Variants in ADAM19 observed in about 807,000 individuals in gnomAD.
ADAM19 encodes the protein ADAM metallopeptidase domain 19.
Under a neutral mutation model 114.7 loss-of-function variants are expected in ADAM19, and 65 were observed. That is an observed-to-expected ratio of 0.57 (90% CI 0.46 to 0.70). The LOEUF (loss-of-function observed/expected upper bound fraction) is 0.70. Among genes scored for constraint, ADAM19 ranks in the 30% least tolerant of loss-of-function variants. ADAM19 has a pLI of 0.00. For missense variants in ADAM19, 1,063 were observed against 1,204.7 expected, an observed-to-expected ratio of 0.88 and a Z score of 1.74; for synonymous variants, 466 against 460.5, an observed-to-expected ratio of 1.01 and a Z score of -0.15.
intron 1 of ADAM19, among the ~76,000 whole-genome samples, chr5:157,574,955 C>T (rs930530820): frequency 2.6e-5 from 4 of 152,182 alleles, no homozygotes; most frequent in Admixed American, 2.6e-4. Context: ...TTGGGCAAGT[C>T]CTTTCCCTTT....
At position 157,479,009 on chromosome 5, in the gene ADAM19, G is replaced by A. The variant is rs1316902315; in HGVS notation, c.*1940C>T. The A allele has an allele frequency of 2.0e-6, 2 of 985,452 alleles. No homozygotes were observed. The highest frequency in any genetic ancestry group is 2.4e-6 in the Non-Finnish European group (2 of 829,852). The allele number at this position is 985,452 out of a possible 1,614,324, so 61.0% of individuals were successfully genotyped here. A position where few individuals can be genotyped will look rare whatever the true frequency, so the allele number is the denominator to read the frequency against. On this transcript the variant is annotated 3_prime_UTR_variant, in exon 23 of 23. Coordinates refer to ENST00000257527, the MANE Select transcript of ADAM19 (RefSeq NM_033274.5). ...GTTTTGCAGAGGGGTGAAAGGGGATGTTTTCACCTTTACTTTCCAGGAACC... is the reference window on the plus strand; with the variant it reads ...GTTTTGCAGAGGGGTGAAAGGGGATATTTTCACCTTTACTTTCCAGGAACC...
At chr5:157,481,091 G>A (rs1754731882) in intron 22 of ADAM19, 89 bp from the exon 23 acceptor site, 7 of 1,551,496 alleles carry the variant, frequency 4.5e-6, no homozygotes, top group African/African-American at 2.7e-5. Context: ...GATTTTAGAA[G>A]GAAGGATGGA....
chr5:157,559,318 A>C (rs1434732761), intron 3 of ADAM19, among the ~76,000 whole-genome samples: 1 of 152,230 alleles, frequency 6.6e-6, no homozygotes, highest in Admixed American at 6.5e-5. Flanking sequence ...AGGACAGTGT[A>C]TTGAAGAAAT....
chr5:157,564,363 G>T lies in ADAM19; in HGVS notation c.251+10C>A. The T allele has an allele frequency of 6.2e-7, 1 of 1,613,214 alleles. No homozygotes were observed. The highest frequency in any genetic ancestry group is 8.5e-7 in the Non-Finnish European group (1 of 1,179,172). ...TTGTTTCATTTTAGACAAAGGAGGA[G>T]TCCACTTACTCATTCTTCTCCAGGT... On this transcript the variant is annotated intron_variant, in intron 3 of 22. Coordinates refer to ENST00000257527, the MANE Select transcript of ADAM19 (RefSeq NM_033274.5).
intron 5 of ADAM19, among the ~76,000 whole-genome samples, chr5:157,528,993 G>A (rs1561544807): frequency 1.3e-5 from 2 of 152,192 alleles, no homozygotes; most frequent in African/African-American, 4.8e-5. Context: ...ACACAATGGA[G>A]CCACCTCCTA....
intron 3 of ADAM19, among the ~76,000 whole-genome samples, chr5:157,557,038 G>C (rs1057471287): frequency 6.6e-6 from 1 of 152,040 alleles, no homozygotes; most frequent in African/African-American, 2.4e-5. Flanking sequence ...GTGCCACCAT[G>C]CCTGGCTAAT....
At chr5:157,485,748 C>T (rs1754912623) in intron 21 of ADAM19, among the ~76,000 whole-genome samples, 1 of 152,246 alleles carries the variant, frequency 6.6e-6, no homozygotes, top group Non-Finnish European at 1.5e-5. Context: ...CTTGCCCTCA[C>T]AGCCTGGTTA....
In ADAM19 at chr5:157,477,682, T is replaced by C. The variant is rs141359105; in HGVS notation, c.*3267A>G. On this transcript the variant is annotated 3_prime_UTR_variant, in exon 23 of 23. Coordinates refer to ENST00000257527, the MANE Select transcript of ADAM19 (RefSeq NM_033274.5). Reference sequence around the variant, plus strand: ...GCTGTTATACACGTGGTTAACACAATTACTGACTTTGGAACTGGTCCCCAG... The same window carrying C: ...GCTGTTATACACGTGGTTAACACAACTACTGACTTTGGAACTGGTCCCCAG... 3.2e-4 allele frequency: 418 copies of C among 1,289,776 alleles called. 4 individuals carry two copies. The East Asian group carries it at 0.019, about 60-fold the overall frequency. The allele number at this position is 1,289,776 out of a possible 1,614,324, so 79.9% of individuals were successfully genotyped here.
chr5:157,558,373 A>C (rs558431014), intron 3 of ADAM19, among the ~76,000 whole-genome samples: 68 of 152,368 alleles, frequency 4.5e-4, no homozygotes, highest in African/African-American at 1.5e-3. Flanking sequence ...GAGTTTGGAA[A>C]AACATTTTGA....
rs1437826372 is a variant in ADAM19, at chr5:157,490,518, T to C, written c.2096-64A>G. On this transcript the variant is annotated intron_variant, in intron 18 of 22. Coordinates refer to ENST00000257527, the MANE Select transcript of ADAM19 (RefSeq NM_033274.5). ...GTCTCGGCTACAGCAGATTTCAAAA[T>C]AGGTATTCGTGCTTCTTCTTCAGGC... is the stretch of plus-strand genomic sequence containing the variant. The C allele has an allele frequency of 5.1e-6, 8 of 1,567,092 alleles. No homozygotes were observed. The South Asian group carries it at 5.7e-5, about 11-fold the overall frequency.
At chr5:157,563,483 C>T (rs926099403) in intron 3 of ADAM19, among the ~76,000 whole-genome samples, 1 of 152,210 alleles carries the variant, frequency 6.6e-6, no homozygotes, top group Non-Finnish European at 1.5e-5. Flanking sequence ...CTTCTTCATC[C>T]TTTTCTTGGC....
intron 2 of ADAM19, among the ~76,000 whole-genome samples, chr5:157,565,023 C>T (rs1243186199): frequency 1.3e-5 from 2 of 152,146 alleles, no homozygotes; most frequent in Non-Finnish European, 2.9e-5. Flanking sequence ...CATTTTGGCT[C>T]TCCGTTTGGA....
chr5:157,535,809 A>T (rs1438199393), intron 4 of ADAM19, among the ~76,000 whole-genome samples: 1 of 152,232 alleles, frequency 6.6e-6, no homozygotes, highest in African/African-American at 2.4e-5. Context: ...AGCTCATGGC[A>T]AATTCGTGGA....
intron 21 of ADAM19, among the ~76,000 whole-genome samples, chr5:157,484,233 C>T (rs1009487944): frequency 6.6e-6 from 1 of 152,144 alleles, no homozygotes; most frequent in Non-Finnish European, 1.5e-5. Flanking sequence ...TACTGCCTTA[C>T]AACATATATA....
chr5:157,537,767 T>A (rs1340108050), intron 4 of ADAM19, 146 bp downstream of exon 4: 1 of 624,402 alleles, frequency 1.6e-6, no homozygotes, highest in African/African-American at 1.8e-5. Context: ...ATACATGTTT[T>A]GCTTCTCGTT....
Position 157,477,755 on chromosome 5 carries a change from T to G in ADAM19, c.*3194A>C. The stretch of plus-strand genomic sequence containing the variant: ...TACCCTCTGTCAAATAAGAATAAAT[T>G]AGGAAGTAGGCAGGGAGAGACTTCC... On this transcript the variant is annotated 3_prime_UTR_variant, in exon 23 of 23. Transcript: ENST00000257527. The G allele has an allele frequency of 2.3e-6, 3 of 1,285,650 alleles. No homozygotes were observed. Among genetic ancestry groups the G allele is most frequent in the Non-Finnish European group, 3.0e-6 (3 of 985,266 alleles). 79.6% of individuals were successfully genotyped at this position (1,285,650 alleles called of 1,614,324 possible).
At chr5:157,487,254 C>A (rs553164643) in intron 21 of ADAM19, among the ~76,000 whole-genome samples, 1 of 152,124 alleles carries the variant, frequency 6.6e-6, no homozygotes, top group African/African-American at 2.4e-5. Context: ...TCTCTTTCTG[C>A]ATGGATTTTT....
chr5:157,516,535 T>C (rs574845284), intron 7 of ADAM19, among the ~76,000 whole-genome samples: 110 of 152,284 alleles, frequency 7.2e-4, no homozygotes, highest in African/African-American at 2.5e-3. Context: ...TTTGAAAGCC[T>C]GCACAGAGAT....
intron 3 of ADAM19, among the ~76,000 whole-genome samples, chr5:157,546,676 A>AAT (rs1481059300): frequency 6.6e-6 from 1 of 152,182 alleles, no homozygotes; most frequent in Non-Finnish European, 1.5e-5. Flanking sequence ...TAATGCAGCC[A>AAT]TTATAGCTCC....
Sources: gnomAD v4.1 joint callset for allele counts (sites outside exome capture counted in the v4.1 genomes callset) on GRCh38, gnomAD v4.1.1 for gene constraint, MANE v1.5 for transcripts, NCBI Gene and HGNC (gene_info 2026-07-23, HGNC 2026-07-21) for gene names.